Variants in CADM2 observed in about 807,000 individuals in gnomAD.
CADM2 encodes cell adhesion molecule 2, also known as immunoglobulin superfamily member 4D.
Under a neutral mutation model 49.8 loss-of-function variants are expected in CADM2, and 12 were observed. That is an observed-to-expected ratio of 0.24 (90% CI 0.15 to 0.39). The LOEUF is 0.39. Among genes scored for constraint, CADM2 ranks in the 10% least tolerant of loss-of-function variants. CADM2 has a pLI of 1.00. For missense variants in CADM2, 378 were observed against 492.3 expected, an observed-to-expected ratio of 0.77 and a Z score of 2.20; for synonymous variants, 214 against 175.4, an observed-to-expected ratio of 1.22 and a Z score of -1.74.
intron 5 of CADM2, among the ~76,000 whole-genome samples, chr3:85,903,423 A>C (rs1038003599): frequency 2.6e-5 from 4 of 151,888 alleles, no homozygotes; most frequent in Non-Finnish European, 5.9e-5. Context: ...CCTGAAAAAT[A>C]TTTTATTTCA....
At chr3:85,373,266 G>C (rs996354789) in intron 1 of CADM2, among the ~76,000 whole-genome samples, 15 of 152,078 alleles carry the variant, frequency 9.9e-5, no homozygotes, top group Admixed American at 3.9e-4. Flanking sequence ...AAAATCAATA[G>C]GCTACAGGCC....
At chr3:85,092,384 G>A (rs1396509260) in intron 1 of CADM2, among the ~76,000 whole-genome samples, 4 of 152,080 alleles carry the variant, frequency 2.6e-5, no homozygotes, top group Non-Finnish European at 5.9e-5. Flanking sequence ...ATCAAATTTA[G>A]GATGAACTGA....
intron 1 of CADM2, among the ~76,000 whole-genome samples, chr3:85,325,347 T>G (rs1031214357): frequency 6.6e-6 from 1 of 152,198 alleles, no homozygotes; most frequent in African/African-American, 2.4e-5. Context: ...TGTTGAGATA[T>G]CTTGAGTAAA....
intron 1 of CADM2, among the ~76,000 whole-genome samples, chr3:85,075,713 GT>G (rs1190313138): frequency 3.3e-5 from 5 of 152,158 alleles, no homozygotes; most frequent in African/African-American, 1.2e-4. Flanking sequence ...TTAAATCCAT[GT>G]TGTAAGTGAA....
chr3:85,104,842 G>GC (rs2038150418), intron 1 of CADM2, among the ~76,000 whole-genome samples: 1 of 152,044 alleles, frequency 6.6e-6, no homozygotes, highest in African/African-American at 2.4e-5. Context: ...ATTGTGAATG[G>GC]AGTTCACTCA....
intron 1 of CADM2, among the ~76,000 whole-genome samples, chr3:85,092,590 A>G (rs190388165): frequency 2.6e-5 from 4 of 152,336 alleles, no homozygotes; most frequent in African/African-American, 9.6e-5. Context: ...GGTTAAAGAC[A>G]GAGCTTTAGA....
At chr3:85,222,577 C>G (rs2107794651) in intron 1 of CADM2, among the ~76,000 whole-genome samples, 1 of 152,270 alleles carries the variant, frequency 6.6e-6, no homozygotes, top group Admixed American at 6.5e-5. Context: ...CCCTGATAAT[C>G]TGTAACATGT....
intron 8 of CADM2, among the ~76,000 whole-genome samples, chr3:86,049,710 G>A (rs1737121005): frequency 6.6e-6 from 1 of 152,162 alleles, no homozygotes; most frequent in African/African-American, 2.4e-5. Flanking sequence ...AAAGGGGGAA[G>A]GAGGAAGGTG....
chr3:85,390,611 G>A (rs886367528), intron 1 of CADM2, among the ~76,000 whole-genome samples: 6 of 151,754 alleles, frequency 4.0e-5, no homozygotes, highest in Admixed American at 3.9e-4. Context: ...TTTTCCTCTA[G>A]GTTTAATCCT....
intron 5 of CADM2, among the ~76,000 whole-genome samples, chr3:85,910,287 G>A (rs1033267480): frequency 4.6e-5 from 7 of 152,034 alleles, no homozygotes; most frequent in African/African-American, 1.7e-4. Context: ...TTCTTACTCT[G>A]ACACTGCTTA....
intron 8 of CADM2, chr3:86,015,207 T>C: frequency 6.2e-6 from 2 of 322,260 alleles, no homozygotes; most frequent in Non-Finnish European, 1.1e-5. Context: ...TCACTAAATG[T>C]CTTTGCCTAT....
In CADM2 at chr3:85,985,729, T is replaced by C. The variant is rs533870740; in HGVS notation, c.970+24082T>C. ...AACATTGCTTTCTGAAAGATCTTAA[T>C]AAATAACTACTTTTTCACTCTAAAA... On this transcript the variant is annotated intron_variant, in intron 8 of 9. Coordinates refer to ENST00000383699, the MANE Select transcript of CADM2 (RefSeq NM_001167675.2). Among the ~76,000 whole-genome samples, 229 of 152,120 alleles carry C rather than the reference T, an allele frequency of 1.5e-3. 2 individuals carry two copies. The highest frequency in any genetic ancestry group is 5.5e-3 in the African/African-American group (227 of 41,520).
At chr3:85,407,982 T>C (rs1347645300) in intron 1 of CADM2, among the ~76,000 whole-genome samples, 1 of 119,488 alleles carries the variant, frequency 8.4e-6, no homozygotes, top group Non-Finnish European at 1.6e-5. Flanking sequence ...GGCAAGACCC[T>C]GCCTCTTTAA....
chr3:85,042,179 A>C (rs573379161), intron 1 of CADM2, among the ~76,000 whole-genome samples: 1 of 152,232 alleles, frequency 6.6e-6, no homozygotes, highest in Admixed American at 6.5e-5. Flanking sequence ...TGTTGCTTAC[A>C]AATCAGGAAA....
chr3:85,903,721 C>T (rs1230180532), intron 5 of CADM2, among the ~76,000 whole-genome samples: 1 of 152,072 alleles, frequency 6.6e-6, no homozygotes, highest in East Asian at 1.9e-4. Flanking sequence ...CAGCAGGGCT[C>T]TCACTGAATG....
In CADM2 at chr3:85,813,172, T is replaced by C. The variant is rs543427307; in HGVS notation, c.238+10976T>C. Among the ~76,000 whole-genome samples, 6 of 152,330 alleles carry C rather than the reference T, an allele frequency of 3.9e-5. No individual in the cohort carries two copies. In the East Asian group the frequency reaches 1.2e-3, roughly 29 times the overall value. On this transcript the variant is annotated intron_variant, in intron 3 of 9. Coordinates refer to ENST00000383699, the MANE Select transcript of CADM2 (RefSeq NM_001167675.2). ...CTAATTTACCCTCCCACCAACAGTG[T>C]AAAAGCATTCCTATTTCTCCACATC...
intron 1 of CADM2, among the ~76,000 whole-genome samples, chr3:85,681,830 G>T (rs2107658555): frequency 6.6e-6 from 1 of 152,046 alleles, no homozygotes; most frequent in East Asian, 1.9e-4. Context: ...TAACTGTTAA[G>T]TGAATAATTT....
intron 1 of CADM2, among the ~76,000 whole-genome samples, chr3:85,473,718 T>C (rs553765610): frequency 6.6e-6 from 1 of 152,242 alleles, no homozygotes; most frequent in Non-Finnish European, 1.5e-5. Context: ...CTTTGTGTTA[T>C]AATTTATACC....
rs145482937 is a variant in CADM2 at position 85,350,257 on chromosome 3, A to G, written c.62-376265A>G. On this transcript the variant is annotated intron_variant, in intron 1 of 9. Coordinates refer to ENST00000383699, the MANE Select transcript of CADM2 (RefSeq NM_001167675.2). ...ATCCCATGAATTTTTTTCATATCCA[A>G]AGCGAATATAGTTTATTTTAATGTT... Among the ~76,000 whole-genome samples the G allele has an allele frequency of 9.1e-4, 139 of 152,298 alleles. 2 individuals are homozygous for G. Among genetic ancestry groups the G allele is most frequent in the African/African-American group, 3.0e-3 (126 of 41,568 alleles).
Sources: gnomAD v4.1 joint callset for allele counts (sites outside exome capture counted in the v4.1 genomes callset) on GRCh38, gnomAD v4.1.1 for gene constraint, MANE v1.5 for transcripts, NCBI Gene and HGNC (gene_info 2026-07-23, HGNC 2026-07-21) for gene names.